WWOX: variants seen among roughly 807,000 people sequenced by gnomAD.
WWOX encodes the protein WW domain containing oxidoreductase, also known as WW domain-containing oxidoreductase.
WWOX carries 69 observed loss-of-function variants against 46.2 expected under a neutral mutation model. The ratio of observed to expected loss-of-function variants is 1.49; its 90% confidence interval spans 1.23 to 1.82. The LOEUF is 1.82. Among genes scored for constraint, WWOX ranks in the 40% most tolerant of loss-of-function variants. WWOX has a pLI of 0.00. For missense variants in WWOX, 919 were observed against 542.6 expected, an observed-to-expected ratio of 1.69 and a Z score of -6.89; for synonymous variants, 359 against 202.6, an observed-to-expected ratio of 1.77 and a Z score of -6.56.
chr16:79,000,935 G>A (rs980962459), intron 8 of WWOX, among the ~76,000 whole-genome samples: 5 of 152,150 alleles, frequency 3.3e-5, no homozygotes, highest in African/African-American at 7.2e-5. Flanking sequence ...CCCACTGGAC[G>A]TGGGCAGGAA....
At chr16:78,330,587 A>C (rs1033241933) in intron 5 of WWOX, among the ~76,000 whole-genome samples, 1 of 152,130 alleles carries the variant, frequency 6.6e-6, no homozygotes, top group Admixed American at 6.5e-5. Context: ...AGTGGAGACG[A>C]GGTTTCACCG....
chr16:78,675,254 C>A (rs920468187), intron 8 of WWOX, among the ~76,000 whole-genome samples: 1 of 152,152 alleles, frequency 6.6e-6, no homozygotes, highest in Admixed American at 6.5e-5. Flanking sequence ...AGCAGAGAAG[C>A]TGGGGTTTTA....
At chr16:78,973,773 A>C (rs998454066) in intron 8 of WWOX, among the ~76,000 whole-genome samples, 5 of 152,248 alleles carry the variant, frequency 3.3e-5, no homozygotes, top group African/African-American at 1.2e-4. Context: ...TTTTAATGAC[A>C]CAAGTTTCTG....
chr16:78,321,042 T>TA (rs1359736616), intron 5 of WWOX, among the ~76,000 whole-genome samples: 4 of 152,166 alleles, frequency 2.6e-5, no homozygotes, highest in African/African-American at 9.7e-5. Flanking sequence ...ACAGATGGCA[T>TA]ATGAGAATAC....
At chr16:78,187,931 C>T (rs1316330090) in intron 5 of WWOX, among the ~76,000 whole-genome samples, 1 of 152,152 alleles carries the variant, frequency 6.6e-6, no homozygotes, top group African/African-American at 2.4e-5. Flanking sequence ...GCATTAAGAC[C>T]TAGTAAGGTT....
chr16:78,193,103 G>A (rs1211684138), intron 5 of WWOX, among the ~76,000 whole-genome samples: 1 of 152,220 alleles, frequency 6.6e-6, no homozygotes, highest in Non-Finnish European at 1.5e-5. Flanking sequence ...CCTGCAGAGG[G>A]CAAAACCTCA....
chr16:78,140,265 C>T (rs542850739), intron 4 of WWOX, among the ~76,000 whole-genome samples: 1 of 152,284 alleles, frequency 6.6e-6, no homozygotes, highest in Admixed American at 6.5e-5. Flanking sequence ...TAAGAGTAAG[C>T]AGAATCTACC....
chr16:78,502,623 C>G (rs2085098405), intron 8 of WWOX, among the ~76,000 whole-genome samples: 1 of 152,178 alleles, frequency 6.6e-6, no homozygotes, highest in South Asian at 2.1e-4. Context: ...ATAATGCTGC[C>G]ATGAGCATCT....
intron 8 of WWOX, among the ~76,000 whole-genome samples, chr16:79,068,664 A>G (rs1490539148): frequency 6.6e-6 from 1 of 151,706 alleles, no homozygotes; most frequent in East Asian, 1.9e-4. Context: ...AAAAAAAATT[A>G]GCCAGGCGTG....
At chr16:78,363,518 A>G (rs2081460102) in intron 5 of WWOX, among the ~76,000 whole-genome samples, 1 of 151,966 alleles carries the variant, frequency 6.6e-6, no homozygotes, top group Non-Finnish European at 1.5e-5. Context: ...GGCTCAACTG[A>G]TCTTCCCAGC....
chr16:79,125,913 T>C (rs1318700687), intron 8 of WWOX, among the ~76,000 whole-genome samples: 1 of 152,248 alleles, frequency 6.6e-6, no homozygotes, highest in Non-Finnish European at 1.5e-5. Flanking sequence ...ACTATCTGTC[T>C]TCTCCAGGAG....
At chr16:78,869,124 A>C (rs2044070645) in intron 8 of WWOX, among the ~76,000 whole-genome samples, 1 of 152,232 alleles carries the variant, frequency 6.6e-6, no homozygotes, top group African/African-American at 2.4e-5. Context: ...TGAAATTTTA[A>C]ATACACTAGT....
rs552283228 is a variant in WWOX, at chr16:78,784,856, T to G, written c.1056+352104T>G. ...GGATACTCATGGTTGAAGGTGTCTA[T>G]GTGTTCTCCTTGGTGTCCAGCGAAT... On this transcript the variant is annotated intron_variant, in intron 8 of 8. Coordinates refer to ENST00000566780, the MANE Select transcript of WWOX (RefSeq NM_016373.4). 5.3e-5 allele frequency among the ~76,000 whole-genome samples: 8 copies of G among 152,252 alleles called. No homozygotes were observed. The South Asian group carries it at 1.7e-3, about 32-fold the overall frequency.
At chr16:78,242,797 C>T (rs147107916) in intron 5 of WWOX, among the ~76,000 whole-genome samples, 1 of 152,286 alleles carries the variant, frequency 6.6e-6, no homozygotes, top group African/African-American at 2.4e-5. Context: ...CACTTGAGGT[C>T]AGGAGTTCGA....
intron 8 of WWOX, among the ~76,000 whole-genome samples, chr16:79,148,158 A>G (rs1244623852): frequency 6.6e-6 from 1 of 152,214 alleles, no homozygotes; most frequent in Non-Finnish European, 1.5e-5. Flanking sequence ...GTAACCATAT[A>G]TCCCAAATAA....
At chr16:79,066,198 T>C (rs1567526235) in intron 8 of WWOX, among the ~76,000 whole-genome samples, 1 of 152,172 alleles carries the variant, frequency 6.6e-6, no homozygotes, top group Non-Finnish European at 1.5e-5. Context: ...CCCTCCACTG[T>C]TCCACGTGGG....
chr16:78,655,103 C>T (rs913371625), intron 8 of WWOX, among the ~76,000 whole-genome samples: 2 of 152,028 alleles, frequency 1.3e-5, no homozygotes, highest in Non-Finnish European at 1.5e-5. Context: ...CCTTATCAAC[C>T]GTATTTTACA....
intron 8 of WWOX, among the ~76,000 whole-genome samples, chr16:78,643,385 C>G (rs538623183): frequency 1.3e-5 from 2 of 152,142 alleles, no homozygotes; most frequent in South Asian, 2.1e-4. Context: ...TTGCAAATTT[C>G]CAGTGGCTAG....
At chr16:78,571,278 G>C (rs1567652544) in intron 8 of WWOX, among the ~76,000 whole-genome samples, 1 of 152,056 alleles carries the variant, frequency 6.6e-6, no homozygotes, top group Non-Finnish European at 1.5e-5. Flanking sequence ...GGTTTAGAAA[G>C]GTAAATGACT....
Sources: allele counts gnomAD v4.1 joint callset (sites outside exome capture counted in the v4.1 genomes callset), GRCh38; gene constraint gnomAD v4.1.1; transcripts MANE v1.5; gene names NCBI Gene and HGNC (gene_info 2026-07-23, HGNC 2026-07-21).